Variants in SLIT2 observed in about 807,000 individuals in gnomAD.
SLIT2 encodes the protein slit guidance ligand 2, also known as slit homolog 2 protein.
A neutral mutation model predicts 185.7 loss-of-function variants in SLIT2; 41 were observed. The ratio of observed to expected loss-of-function variants is 0.22; its 90% CI spans 0.17 to 0.29. The LOEUF (loss-of-function observed/expected upper bound fraction) is 0.29. SLIT2 is among the 10% of genes least tolerant of loss of function. The pLI, the probability that SLIT2 is intolerant of heterozygous loss-of-function variation, is 1.00. For missense variants in SLIT2, 1,571 were observed against 1,909.0 expected (o/e 0.82, Z 3.30); for synonymous variants, 693 against 680.2 (o/e 1.02, Z -0.29).
intron 4 of SLIT2, among the ~76,000 whole-genome samples, chr4:20,422,846 G>T: frequency 6.6e-6 from 1 of 151,820 alleles, no homozygotes; most frequent in East Asian, 1.9e-4. Context: ...AGGTCGGAGT[G>T]AAGTGGATGT....
chr4:20,526,409 T>C (rs538408456), intron 15 of SLIT2, among the ~76,000 whole-genome samples: 1 of 152,228 alleles, frequency 6.6e-6, no homozygotes, highest in East Asian at 1.9e-4. Flanking sequence ...CCCAATTAAG[T>C]GGAAAGTAAT....
At chr4:20,475,342 A>G (rs1256065664) in intron 5 of SLIT2, among the ~76,000 whole-genome samples, 1 of 140,104 alleles carries the variant, frequency 7.1e-6, no homozygotes, top group East Asian at 2.0e-4. Context: ...CCTTTCTTTC[A>G]TGACTACATC....
At chr4:20,292,007 T>C (rs1457784709) in intron 4 of SLIT2, among the ~76,000 whole-genome samples, 2 of 151,942 alleles carry the variant, frequency 1.3e-5, no homozygotes, top group South Asian at 2.1e-4. Flanking sequence ...ATGGATAGAC[T>C]ATGGCTGGAC....
At chr4:20,358,614 G>A (rs940904916) in intron 4 of SLIT2, among the ~76,000 whole-genome samples, 9 of 152,116 alleles carry the variant, frequency 5.9e-5, no homozygotes, top group East Asian at 5.8e-4. Flanking sequence ...CACTTAATCC[G>A]AGGAACCACC....
At chr4:20,260,221 T>C (rs1712302563) in intron 3 of SLIT2, among the ~76,000 whole-genome samples, 1 of 151,840 alleles carries the variant, frequency 6.6e-6, no homozygotes, top group South Asian at 2.1e-4. Flanking sequence ...TCAGTGTCAT[T>C]AACACCAAAA....
intron 8 of SLIT2, among the ~76,000 whole-genome samples, chr4:20,490,109 A>C (rs480361): frequency 0.33 from 50,832 of 151,938 alleles, 9,150 homozygotes; most frequent in East Asian, 0.54. Flanking sequence ...AAATCAATAA[A>C]ATAAATAAAT....
At chr4:20,487,597 A>G (rs1291051598) in intron 7 of SLIT2, among the ~76,000 whole-genome samples, 5 of 152,168 alleles carry the variant, frequency 3.3e-5, no homozygotes, top group Admixed American at 1.3e-4. Flanking sequence ...TTTAGAGTAC[A>G]AGGATATGGA....
intron 8 of SLIT2, chr4:20,490,850 T>C: frequency 6.7e-7 from 1 of 1,487,896 alleles, no homozygotes; most frequent in South Asian, 1.2e-5. Context: ...CGAGGATATT[T>C]TTGTAGTTTA....
chr4:20,590,649 T>G (rs888263327), intron 30 of SLIT2, among the ~76,000 whole-genome samples: 10 of 152,328 alleles, frequency 6.6e-5, no homozygotes, highest in Admixed American at 2.6e-4. Context: ...AAAAAACACT[T>G]CCTTTTTCCT....
chr4:20,415,685 A>AT (rs1317933428), intron 4 of SLIT2, among the ~76,000 whole-genome samples: 1 of 152,110 alleles, frequency 6.6e-6, no homozygotes. Context: ...CAGCTTTATT[A>AT]TAGCTATCAA....
chr4:20,531,150 T>C (rs1184590154), intron 16 of SLIT2, among the ~76,000 whole-genome samples: 1 of 152,130 alleles, frequency 6.6e-6, no homozygotes, highest in Non-Finnish European at 1.5e-5. Flanking sequence ...AACGACAACA[T>C]ATATCCAGGC....
chr4:20,498,713 C>T (rs927143520), intron 9 of SLIT2, among the ~76,000 whole-genome samples: 5 of 152,072 alleles, frequency 3.3e-5, no homozygotes, highest in Admixed American at 1.3e-4. Flanking sequence ...TTCAGGGGCT[C>T]CAGCTCCATC....
chr4:20,485,045 G>A (rs1717080276), intron 6 of SLIT2, among the ~76,000 whole-genome samples: 1 of 152,096 alleles, frequency 6.6e-6, no homozygotes, highest in South Asian at 2.1e-4. Context: ...CAGGACCACT[G>A]ATGCTCTTTC....
intron 26 of SLIT2, among the ~76,000 whole-genome samples, chr4:20,563,888 A>G (rs1724886416): frequency 6.6e-6 from 1 of 151,782 alleles, no homozygotes; most frequent in South Asian, 2.1e-4. Context: ...AAAACAACCT[A>G]TTGGAATGGC....
At chr4:20,612,294 A>G (rs1729280389) in intron 34 of SLIT2, among the ~76,000 whole-genome samples, 1 of 150,216 alleles carries the variant, frequency 6.7e-6, no homozygotes, top group African/African-American at 2.4e-5. Context: ...AAGTCAGAAC[A>G]TTCCCCCGCC....
intron 26 of SLIT2, among the ~76,000 whole-genome samples, chr4:20,565,865 C>T (rs1360111151): frequency 6.6e-6 from 1 of 151,974 alleles, no homozygotes; most frequent in Non-Finnish European, 1.5e-5. Flanking sequence ...GATAGGAAAG[C>T]TAAACACTAC....
Position 20,582,010 on chromosome 4 carries a change from G to A in SLIT2, c.3089-7634G>A, listed in dbSNP as rs146245163. Among the ~76,000 whole-genome samples the A allele has an allele frequency of 7.2e-3, 1,095 of 152,328 alleles. 11 individuals are homozygous for A. The highest frequency in any genetic ancestry group is 0.025 in the African/African-American group (1,036 of 41,584). On this transcript the variant is annotated intron_variant, in intron 29 of 36. Coordinates refer to ENST00000504154, the MANE Select transcript of SLIT2 (RefSeq NM_004787.4). ...GATCTGCTCGCCTTGGCCTCCCAAA[G>A]TGCTGGGATTACAGGCGTGAGCCAC...
At chr4:20,321,531 A>T (rs1422644623) in intron 4 of SLIT2, among the ~76,000 whole-genome samples, 1 of 152,212 alleles carries the variant, frequency 6.6e-6, no homozygotes, top group African/African-American at 2.4e-5. Context: ...ACCTAAACAC[A>T]TAAAGGTCAC....
At chr4:20,412,287 A>G (rs1286080540) in intron 4 of SLIT2, among the ~76,000 whole-genome samples, 1 of 126,044 alleles carries the variant, frequency 7.9e-6, no homozygotes, top group African/African-American at 2.8e-5. Flanking sequence ...TCTCACCTCT[A>G]CTATACAGTA....
Sources: allele counts gnomAD v4.1 joint callset (sites outside exome capture counted in the v4.1 genomes callset), GRCh38; gene constraint gnomAD v4.1.1; transcripts MANE v1.5; gene names NCBI Gene and HGNC (gene_info 2026-07-23, HGNC 2026-07-21).